DNAH11: variants seen among roughly 807,000 people sequenced by gnomAD.
DNAH11 encodes the protein dynein axonemal heavy chain 11, also known as axonemal beta dynein heavy chain 11.
DNAH11 carries 442 observed loss-of-function variants against 526.0 expected under a neutral mutation model. The observed-to-expected ratio is 0.84, with a 90% confidence interval of 0.78 to 0.91. The LOEUF (loss-of-function observed/expected upper bound fraction) is 0.91. DNAH11 is among the 40% of genes least tolerant of loss of function. DNAH11 has a pLI of 0.00. For synonymous variants in DNAH11, 2,461 were observed against 1,935.9 expected (o/e 1.27, Z -7.12); for missense variants, 6,989 against 5,448.7 (o/e 1.28, Z -8.90).
In DNAH11 at chr7:21,883,562, A is replaced by C. The variant is rs547326910; in HGVS notation, c.12388-729A>C. The stretch of plus-strand genomic sequence containing the variant: ...GGATTCTAAATACACCCCAAATTCA[A>C]ATTGTGTGGATGTTGCTTTCTTTTC... On this transcript the variant is annotated intron_variant, in intron 75 of 81. Transcript: ENST00000409508. 9.2e-5 allele frequency among the ~76,000 whole-genome samples: 14 copies of C among 152,304 alleles called. No homozygotes were observed. The South Asian group carries it at 2.7e-3, about 29-fold the overall frequency.
intron 76 of DNAH11, among the ~76,000 whole-genome samples, chr7:21,887,938 C>T (rs939483143): frequency 1.3e-5 from 2 of 152,170 alleles, no homozygotes; most frequent in African/African-American, 2.4e-5. Flanking sequence ...CTGCACCATA[C>T]TGCCCTGGCT....
chr7:21,646,137 CA>C (rs921150157), intron 28 of DNAH11, among the ~76,000 whole-genome samples: 3 of 151,448 alleles, frequency 2.0e-5, no homozygotes, highest in Non-Finnish European at 3.0e-5. Flanking sequence ...ACTTAGTTCA[CA>C]AAAAAAAGAT....
At chr7:21,623,531 C>A (rs1222487803) in intron 25 of DNAH11, among the ~76,000 whole-genome samples, 2 of 152,108 alleles carry the variant, frequency 1.3e-5, no homozygotes, top group Non-Finnish European at 2.9e-5. Flanking sequence ...TTTATTGTGG[C>A]ACTATTCACA....
rs561670468 is a variant in DNAH11 at position 21,820,198 on chromosome 7, A to T, written c.10691+1859A>T. Among the ~76,000 whole-genome samples, 5 of 152,144 alleles carry T rather than the reference A, an allele frequency of 3.3e-5. No homozygotes were observed. In the South Asian group the frequency reaches 1.0e-3, roughly 31 times the overall value. ...GTCATTGAGTAAACCTTCTCTGAGC[A>T]CTGCTATATGCCAGGTACTATACTG... On this transcript the variant is annotated intron_variant, in intron 65 of 81. Coordinates refer to ENST00000409508, the MANE Select transcript of DNAH11 (RefSeq NM_001277115.2).
At chr7:21,663,453 G>C (rs1782312019) in intron 30 of DNAH11, among the ~76,000 whole-genome samples, 2 of 152,102 alleles carry the variant, frequency 1.3e-5, no homozygotes, top group South Asian at 2.1e-4. Flanking sequence ...GAATGTATAA[G>C]AGTTCTTTTT....
chr7:21,730,668 T>C (rs893048400), intron 45 of DNAH11, among the ~76,000 whole-genome samples: 2 of 152,160 alleles, frequency 1.3e-5, no homozygotes, highest in African/African-American at 4.8e-5. Flanking sequence ...GAGAGTGGAA[T>C]GGTGGCTACC....
chr7:21,881,697 C>T (rs75103557), intron 75 of DNAH11, among the ~76,000 whole-genome samples: 4,850 of 152,230 alleles, frequency 0.032, 266 homozygotes, highest in African/African-American at 0.11. Flanking sequence ...TAAAATCACC[C>T]GTCTCTGTTT....
intron 47 of DNAH11, 138 bp downstream of exon 47, chr7:21,739,004 G>A (rs1009108541): frequency 9.3e-6 from 8 of 863,726 alleles, no homozygotes; most frequent in African/African-American, 5.2e-5. Flanking sequence ...ATTATCCCCA[G>A]TTTCTTCTAA....
chr7:21,747,351 T>C (rs1786192887), intron 51 of DNAH11, among the ~76,000 whole-genome samples: 1 of 152,206 alleles, frequency 6.6e-6, no homozygotes, highest in Non-Finnish European at 1.5e-5. Context: ...TGATCCCAAC[T>C]TAGTTTTTTC....
intron 9 of DNAH11, among the ~76,000 whole-genome samples, chr7:21,586,156 C>T (rs759604151): frequency 7.2e-5 from 11 of 152,156 alleles, no homozygotes; most frequent in Non-Finnish European, 5.9e-5. Flanking sequence ...CTCTTGAAAA[C>T]TTGGAGTTAA....
intron 45 of DNAH11, among the ~76,000 whole-genome samples, chr7:21,729,007 T>C (rs1311756885): frequency 6.6e-6 from 1 of 152,240 alleles, no homozygotes; most frequent in Non-Finnish European, 1.5e-5. Context: ...GGCGGTAGCA[T>C]CCTGGCTCAG....
chr7:21,747,753 A>G (rs1786212899), intron 51 of DNAH11, among the ~76,000 whole-genome samples: 1 of 152,246 alleles, frequency 6.6e-6, no homozygotes, highest in Non-Finnish European at 1.5e-5. Flanking sequence ...GTGTGAAGGA[A>G]GCAAGAATCA....
intron 36 of DNAH11, among the ~76,000 whole-genome samples, chr7:21,701,620 G>A (rs367883840): frequency 6.6e-6 from 1 of 152,174 alleles, no homozygotes; most frequent in Admixed American, 6.5e-5. Context: ...TCACACTGCA[G>A]TGTTTTTCAT....
At chr7:21,613,351 G>A (rs1785616216) in intron 20 of DNAH11, among the ~76,000 whole-genome samples, 1 of 152,156 alleles carries the variant, frequency 6.6e-6, no homozygotes, top group African/African-American at 2.4e-5. Flanking sequence ...ATGTAGTAGG[G>A]AAAAGAGGGA....
chr7:21,565,859 G>A lies in DNAH11; in HGVS notation c.1194+1462G>A, dbSNP rs7809352. ...GACTTACAGGCTAGTTGCAGCTGGT[G>A]GTAGCAGATAACAACAGGTCGATTC... On this transcript the variant is annotated intron_variant, in intron 6 of 81. Coordinates refer to ENST00000409508, the MANE Select transcript of DNAH11 (RefSeq NM_001277115.2). Among the ~76,000 whole-genome samples, 973 of 152,270 alleles carry A rather than the reference G, an allele frequency of 6.4e-3. 7 individuals carry two copies. The highest frequency in any genetic ancestry group is 0.022 in the African/African-American group (916 of 41,552).
At chr7:21,691,332 AGGCTAAAGGGCTAG>A (rs1783615628) in intron 35 of DNAH11, among the ~76,000 whole-genome samples, 1 of 151,598 alleles carries the variant, frequency 6.6e-6, no homozygotes, top group Non-Finnish European at 1.5e-5. Flanking sequence ...ACAGGGTGAA[AGGCTAAAGGGCTAG>A]GGCTGGGGTG....
chr7:21,675,615 T>C (rs1782843588), intron 30 of DNAH11, among the ~76,000 whole-genome samples: 2 of 152,196 alleles, frequency 1.3e-5, no homozygotes. Flanking sequence ...AGTGAGTGAA[T>C]GAGAGAACAA....
At chr7:21,694,579 T>A (rs920247409) in intron 35 of DNAH11, among the ~76,000 whole-genome samples, 3 of 152,230 alleles carry the variant, frequency 2.0e-5, no homozygotes, top group Non-Finnish European at 4.4e-5. Context: ...TGTGCCACAT[T>A]TTCTTTTTCC....
intron 47 of DNAH11, 121 bp from the exon 48 acceptor site, chr7:21,739,450 C>A: frequency 1.4e-6 from 1 of 698,938 alleles, no homozygotes; most frequent in South Asian, 2.1e-5. Context: ...CTAGGTCAAC[C>A]TCACAGAGTG....
Sources: allele counts gnomAD v4.1 joint callset (sites outside exome capture counted in the v4.1 genomes callset), GRCh38; gene constraint gnomAD v4.1.1; transcripts MANE v1.5; gene names NCBI Gene and HGNC (gene_info 2026-07-23, HGNC 2026-07-21).